The following GRIA1 variants were observed in gnomAD, a reference collection of about 807,000 sequenced individuals.
GRIA1 encodes the protein glutamate receptor 1.
A neutral mutation model predicts 99.2 loss-of-function variants in GRIA1; 31 were observed. The observed-to-expected ratio is 0.31, with a 90% CI of 0.23 to 0.42. The LOEUF is 0.42. GRIA1 is among the 10% of genes least tolerant of loss of function. GRIA1 has a pLI of 1.00. For missense variants in GRIA1, 782 were observed against 1,157.5 expected, an observed-to-expected ratio of 0.68 and a Z score of 4.71; for synonymous variants, 438 against 432.4, an observed-to-expected ratio of 1.01 and a Z score of -0.16.
At chr5:153,734,617 TCAGA>T (rs1225022839) in intron 11 of GRIA1, among the ~76,000 whole-genome samples, 7 of 152,184 alleles carry the variant, frequency 4.6e-5, no homozygotes, top group Admixed American at 3.3e-4. Context: ...TCAGTTACTA[TCAGA>T]CAATTACAAT....
At chr5:153,507,254 G>A (rs892080551) in intron 2 of GRIA1, among the ~76,000 whole-genome samples, 1 of 152,092 alleles carries the variant, frequency 6.6e-6, no homozygotes, top group African/African-American at 2.4e-5. Flanking sequence ...GCAGCCTAGG[G>A]CTGATGGAAG....
At chr5:153,707,645 T>G (rs1759008868) in intron 11 of GRIA1, among the ~76,000 whole-genome samples, 1 of 152,170 alleles carries the variant, frequency 6.6e-6, no homozygotes, top group Non-Finnish European at 1.5e-5. Flanking sequence ...TGGAGGCATC[T>G]TTACCACCTA....
In GRIA1 at chr5:153,599,031, G is replaced by A. The variant is rs192259056; in HGVS notation, c.221-47897G>A. Among the ~76,000 whole-genome samples, 273 of 152,144 alleles carry A rather than the reference G, an allele frequency of 1.8e-3. 2 individuals are homozygous for A. The highest frequency in any genetic ancestry group is 0.016 in the East Asian group (81 of 5,164). On this transcript the variant is annotated intron_variant, in intron 2 of 15. Transcript: ENST00000285900. ...CGAGCAGCTGGAACTGCAGGCGCCCGCCACCACGCCTGGCTAGTTTTTTTG... is the reference window on the plus strand; with the variant it reads ...CGAGCAGCTGGAACTGCAGGCGCCCACCACCACGCCTGGCTAGTTTTTTTG...
chr5:153,645,608 A>C (rs1311674945), intron 2 of GRIA1, among the ~76,000 whole-genome samples: 1 of 152,182 alleles, frequency 6.6e-6, no homozygotes, highest in East Asian at 1.9e-4. Context: ...AGTATGCACC[A>C]TTTCCCAAAT....
At chr5:153,744,884 T>A (rs1003879179) in intron 11 of GRIA1, among the ~76,000 whole-genome samples, 1 of 152,154 alleles carries the variant, frequency 6.6e-6, no homozygotes, top group Admixed American at 6.5e-5. Flanking sequence ...ACAGGAAAAG[T>A]AGAGGAGTTC....
At chr5:153,564,644 A>G (rs1194621233) in intron 2 of GRIA1, among the ~76,000 whole-genome samples, 1 of 152,214 alleles carries the variant, frequency 6.6e-6, no homozygotes, top group Non-Finnish European at 1.5e-5. Context: ...CTTCCTCACA[A>G]CATGGTGACT....
intron 2 of GRIA1, among the ~76,000 whole-genome samples, chr5:153,563,841 T>G (rs950855409): frequency 2.0e-5 from 3 of 152,192 alleles, no homozygotes; most frequent in Non-Finnish European, 4.4e-5. Context: ...TTCATTAGTG[T>G]CTTGGTTTGG....
chr5:153,503,990 C>T (rs2113260785), intron 2 of GRIA1, among the ~76,000 whole-genome samples: 1 of 152,302 alleles, frequency 6.6e-6, no homozygotes, highest in East Asian at 1.9e-4. Flanking sequence ...CAGCCTTCAC[C>T]TGCCCAGCTA....
chr5:153,675,471 A>G (rs1169169765), intron 6 of GRIA1, among the ~76,000 whole-genome samples: 1 of 152,228 alleles, frequency 6.6e-6, no homozygotes, highest in Non-Finnish European at 1.5e-5. Flanking sequence ...ATGCTTGGGA[A>G]TAAGGATAGC....
rs184414289 is a variant in GRIA1, at chr5:153,726,585, A to G, written c.1823+20518A>G. Among the ~76,000 whole-genome samples the G allele has an allele frequency of 2.9e-3, 445 of 152,326 alleles. 3 individuals are homozygous for G. Among genetic ancestry groups the G allele is most frequent in the African/African-American group, 1.0e-2 (415 of 41,562 alleles). ...TCACCACCAATCCCACAGAAATACA[A>G]ACTACCATCAGAATACTACAAACAC... is the stretch of plus-strand genomic sequence containing the variant. On this transcript the variant is annotated intron_variant, in intron 11 of 15. Transcript: ENST00000285900.
At chr5:153,804,541 G>A (rs913496990) in intron 15 of GRIA1, among the ~76,000 whole-genome samples, 16 of 152,132 alleles carry the variant, frequency 1.1e-4, no homozygotes, top group African/African-American at 3.9e-4. Flanking sequence ...GAGGCCCAGA[G>A]TTGGCCCAGT....
chr5:153,681,412 G>A (rs1294101522), intron 7 of GRIA1, among the ~76,000 whole-genome samples: 1 of 152,212 alleles, frequency 6.6e-6, no homozygotes, highest in Non-Finnish European at 1.5e-5. Context: ...GAGATGGGTG[G>A]TAATGGAACC....
At chr5:153,636,495 T>C (rs146832027) in intron 2 of GRIA1, among the ~76,000 whole-genome samples, 1 of 152,344 alleles carries the variant, frequency 6.6e-6, no homozygotes, top group Non-Finnish European at 1.5e-5. Context: ...TGTCTTTGGC[T>C]GCCTTCATGC....
rs1561874734 is a variant in GRIA1 at position 153,804,718 on chromosome 5, TTAATTA to T, written c.2520+2229_2520+2234del. Among the ~76,000 whole-genome samples, 437 of 131,826 alleles carry T rather than the reference TTAATTA, an allele frequency of 3.3e-3. 1 individual carries two copies. Among genetic ancestry groups the T allele is most frequent in the South Asian group, 0.011 (42 of 3,800 alleles). The allele number at this position is 131,826 out of a possible 152,430, so 86.5% of individuals were successfully genotyped here. A position where few individuals can be genotyped will look rare whatever the true frequency, so the allele number is the denominator to read the frequency against. Reference sequence around the variant, plus strand: ...TTAGTAACTCTCTGATCCTTATTAATTAATTAATTAATTAATTTATTTATTTATTTA... The same window carrying T: ...TTAGTAACTCTCTGATCCTTATTAATATTAATTAATTTATTTATTTATTTA... On this transcript the variant is annotated intron_variant, in intron 15 of 15. Coordinates refer to ENST00000285900, the MANE Select transcript of GRIA1 (RefSeq NM_000827.4).
intron 5 of GRIA1, among the ~76,000 whole-genome samples, chr5:153,672,070 A>G (rs1756224731): frequency 6.6e-6 from 1 of 152,210 alleles, no homozygotes. Flanking sequence ...AGGGAGGCAG[A>G]GAAGGGAAGT....
intron 2 of GRIA1, among the ~76,000 whole-genome samples, chr5:153,617,455 C>G (rs1360926982): frequency 3.3e-5 from 5 of 152,190 alleles, no homozygotes; most frequent in Non-Finnish European, 7.3e-5. Flanking sequence ...CATCAGCCAT[C>G]TTGTTTATCT....
chr5:153,662,567 C>T (rs1053025430), intron 5 of GRIA1, among the ~76,000 whole-genome samples: 8 of 152,072 alleles, frequency 5.3e-5, no homozygotes, highest in African/African-American at 1.9e-4. Flanking sequence ...TGTGCCCTCC[C>T]CCTTGTTTGA....
chr5:153,628,388 G>A (rs1767838376), intron 2 of GRIA1, among the ~76,000 whole-genome samples: 1 of 152,180 alleles, frequency 6.6e-6, no homozygotes, highest in Admixed American at 6.5e-5. Context: ...TGTCATTTCT[G>A]TGTGCCCTTG....
intron 2 of GRIA1, among the ~76,000 whole-genome samples, chr5:153,628,249 G>T (rs147097438): frequency 1.3e-5 from 2 of 152,190 alleles, no homozygotes; most frequent in East Asian, 1.9e-4. Flanking sequence ...GCAGTGATGA[G>T]ATTCTGCTCA....
Sources: allele counts gnomAD v4.1 joint callset (sites outside exome capture counted in the v4.1 genomes callset), GRCh38; gene constraint gnomAD v4.1.1; transcripts MANE v1.5; gene names NCBI Gene and HGNC (gene_info 2026-07-23, HGNC 2026-07-21).